PCOLCE2: variants seen among roughly 807,000 people sequenced by gnomAD.
PCOLCE2 encodes procollagen C-endopeptidase enhancer 2, also known as procollagen C-proteinase enhancer 2.
Under a neutral mutation model 47.0 loss-of-function variants are expected in PCOLCE2, and 42 were observed. The observed-to-expected ratio is 0.89, with a 90% CI of 0.70 to 1.16. The LOEUF is 1.16. Ranked by LOEUF, PCOLCE2 falls within the 50% of genes most tolerant of loss-of-function variation. The probability of loss-of-function intolerance (pLI) is 0.00; values close to 1 mark genes in which losing one functional copy is unlikely to be tolerated. For missense variants in PCOLCE2, 500 were observed against 526.1 expected (o/e 0.95, Z 0.49); for synonymous variants, 169 against 191.7 (o/e 0.88, Z 0.98).
chr3:142,846,443 G>A (rs1937329329), intron 3 of PCOLCE2, among the ~76,000 whole-genome samples: 1 of 152,142 alleles, frequency 6.6e-6, no homozygotes, highest in Non-Finnish European at 1.5e-5. Flanking sequence ...CAGGTGATCT[G>A]CCTGCCTTGG....
At position 142,848,389 on chromosome 3, in the gene PCOLCE2, A is replaced by G; in HGVS notation, c.276T>C (p.Asp92=). The G allele has an allele frequency of 1.2e-6, 2 of 1,614,142 alleles. No homozygotes were observed. The highest frequency in any genetic ancestry group is 8.5e-7 in the Non-Finnish European group (1 of 1,179,956). ...GGCCATTGGCATGGCCATTGTACAC[A>G]TCCACAAAGTCATAGCGGCACAGGT... ...SDNLCRYDFV[D]VYNGHANGQR... The change falls in exon 3 of 9, where the codon GAT becomes GAC. Residue 92 remains aspartate (D), a synonymous_variant. Coordinates refer to ENST00000295992, the MANE Select transcript of PCOLCE2 (RefSeq NM_013363.4).
chr3:142,863,985 G>T (rs57043621), intron 2 of PCOLCE2: 1 of 151,584 alleles, frequency 6.6e-6, no homozygotes, highest in Non-Finnish European at 1.5e-5. Context: ...GTTCTGTGAC[G>T]ACGACACATT....
rs1437804748 is a variant in PCOLCE2, at chr3:142,887,736, C to T, written c.125G>A (p.Gly42Glu). Residue 42 changes from glycine (G) to glutamate (E), a missense_variant, in exon 2 of 9, where the codon GGA becomes GAA. Physicochemically the swap from Gly to Glu is moderately conservative, Grantham distance 98. Coordinates refer to ENST00000295992, the MANE Select transcript of PCOLCE2 (RefSeq NM_013363.4). ...TCGGILTGES[G>E]FIGSEGFPGV... is the part of the protein sequence containing the mutation. ...AGGAAAACCTTCACTGCCAATAAAT[C>T]CAGACTCTCCAGTAAGAATGCCACC... The T allele has an allele frequency of 1.2e-6, 2 of 1,607,878 alleles. No individual in the cohort carries two copies. Among genetic ancestry groups the T allele is most frequent in the South Asian group, 2.2e-5 (2 of 90,952 alleles).
In PCOLCE2 at chr3:142,829,865, G is replaced by GT. The variant is rs777229338; in HGVS notation, c.711-20dup. Reference sequence around the variant, plus strand: ...AATTGGCCTAAAAAAAGAAAAATGTGTTTTTTTATAAATACTTAAAAGTGG... The same window carrying GT: ...AATTGGCCTAAAAAAAGAAAAATGTGTTTTTTTTATAAATACTTAAAAGTGG... On this transcript the variant is annotated intron_variant, in intron 5 of 8. Coordinates refer to ENST00000295992, the MANE Select transcript of PCOLCE2 (RefSeq NM_013363.4). The GT allele has an allele frequency of 1.7e-5, 25 of 1,469,736 alleles. No homozygotes were observed. The highest frequency in any genetic ancestry group is 1.2e-4 in the Admixed American group (6 of 49,290). 91.0% of individuals were successfully genotyped at this position (1,469,736 alleles called of 1,614,324 possible). A position where few individuals can be genotyped will look rare whatever the true frequency, so the allele number is the denominator to read the frequency against.
At chr3:142,827,277 G>A (rs1189057119) in intron 6 of PCOLCE2, 11 of 1,288,162 alleles carry the variant, frequency 8.5e-6, no homozygotes, top group Middle Eastern at 2.6e-4. Flanking sequence ...TCCCATACTC[G>A]TGGCCACCAG....
At chr3:142,855,178 AG>A in intron 2 of PCOLCE2, among the ~76,000 whole-genome samples, 1 of 152,298 alleles carries the variant, frequency 6.6e-6, no homozygotes, top group South Asian at 2.1e-4. Context: ...TAGATCACAC[AG>A]CCCTCTTATT....
At chr3:142,845,638 G>C (rs548271334) in intron 3 of PCOLCE2, among the ~76,000 whole-genome samples, 1 of 152,104 alleles carries the variant, frequency 6.6e-6, no homozygotes, top group Non-Finnish European at 1.5e-5. Flanking sequence ...TTGAAGGCTG[G>C]CTATAGAATA....
At chr3:142,855,251 T>C (rs1933038571) in intron 2 of PCOLCE2, among the ~76,000 whole-genome samples, 3 of 152,208 alleles carry the variant, frequency 2.0e-5, no homozygotes, top group Admixed American at 1.3e-4. Flanking sequence ...GAACAGTTGG[T>C]CTGTGGGTCT....
At chr3:142,848,949 C>T (rs948039156) in intron 2 of PCOLCE2, among the ~76,000 whole-genome samples, 7 of 152,032 alleles carry the variant, frequency 4.6e-5, no homozygotes, top group African/African-American at 1.7e-4. Flanking sequence ...GTCAGGAGAT[C>T]GAGACCATCC....
chr3:142,874,160 C>G (rs987235621), intron 2 of PCOLCE2, among the ~76,000 whole-genome samples: 5 of 152,212 alleles, frequency 3.3e-5, no homozygotes, highest in Non-Finnish European at 7.3e-5. Context: ...ACTGCAACCT[C>G]CACCTCCCGG....
chr3:142,845,559 G>GT (rs1190846207), intron 3 of PCOLCE2, among the ~76,000 whole-genome samples: 1 of 152,178 alleles, frequency 6.6e-6, no homozygotes, highest in Non-Finnish European at 1.5e-5. Context: ...TTCTACCAGT[G>GT]TAAGTATAAA....
chr3:142,819,237 C>T (rs1936986082), intron 8 of PCOLCE2, among the ~76,000 whole-genome samples: 1 of 152,178 alleles, frequency 6.6e-6, no homozygotes, highest in African/African-American at 2.4e-5. Flanking sequence ...TAGGCCTAGA[C>T]TGGGGCCTGA....
intron 6 of PCOLCE2, chr3:142,827,737 T>A: frequency 1.3e-6 from 1 of 769,074 alleles, no homozygotes; most frequent in Non-Finnish European, 2.2e-6. Flanking sequence ...TGGGTGACTC[T>A]TAAATTTAAA....
intron 2 of PCOLCE2, among the ~76,000 whole-genome samples, chr3:142,882,222 C>T (rs1933635928): frequency 6.6e-6 from 1 of 151,906 alleles, no homozygotes; most frequent in Non-Finnish European, 1.5e-5. Flanking sequence ...ATTGCAGAGA[C>T]AGGGTCTCTT....
chr3:142,840,312 GCAAT>G (rs957660899), intron 4 of PCOLCE2, among the ~76,000 whole-genome samples: 4 of 152,078 alleles, frequency 2.6e-5, no homozygotes, highest in African/African-American at 9.7e-5. Context: ...GATTAAATAG[GCAAT>G]CAATCATTCC....
intron 2 of PCOLCE2, among the ~76,000 whole-genome samples, chr3:142,860,469 C>G (rs992721563): frequency 6.6e-6 from 1 of 151,730 alleles, no homozygotes; most frequent in Admixed American, 6.6e-5. Context: ...ATTGCAATGT[C>G]GCGATCTCGG....
At chr3:142,825,268 G>T (rs568948744) in intron 6 of PCOLCE2, among the ~76,000 whole-genome samples, 4 of 152,146 alleles carry the variant, frequency 2.6e-5, no homozygotes, top group Non-Finnish European at 4.4e-5. Context: ...TGGAAGTGGG[G>T]TGGGTGTCCA....
intron 2 of PCOLCE2, among the ~76,000 whole-genome samples, chr3:142,868,723 C>G (rs1933329265): frequency 1.3e-5 from 2 of 152,212 alleles, no homozygotes; most frequent in Admixed American, 1.3e-4. Context: ...CCCTAGCCAA[C>G]AAGGGAACGA....
chr3:142,819,535 A>C (rs759339944), intron 8 of PCOLCE2, among the ~76,000 whole-genome samples: 2 of 152,210 alleles, frequency 1.3e-5, no homozygotes, highest in Non-Finnish European at 2.9e-5. Context: ...TCTGGAAAGA[A>C]ATGTTTCTCT....
Sources: gnomAD v4.1 joint callset for allele counts (sites outside exome capture counted in the v4.1 genomes callset) on GRCh38, gnomAD v4.1.1 for gene constraint, MANE v1.5 for transcripts, NCBI Gene and HGNC (gene_info 2026-07-23, HGNC 2026-07-21) for gene names.